Variants in BCL2L13 observed in about 807,000 individuals in gnomAD.
BCL2L13 encodes BCL2 like 13.
BCL2L13 carries 13 observed loss-of-function variants against 25.8 expected under a neutral mutation model. That is an observed-to-expected ratio of 0.50 (90% CI 0.33 to 0.80). BCL2L13 has a LOEUF of 0.80. BCL2L13 is among the 30% of genes least tolerant of loss of function. BCL2L13 has a pLI of 0.02. For missense variants in BCL2L13, 504 were observed against 574.9 expected, an observed-to-expected ratio of 0.88 and a Z score of 1.26; for synonymous variants, 244 against 230.3, an observed-to-expected ratio of 1.06 and a Z score of -0.54.
intron 6 of BCL2L13, among the ~76,000 whole-genome samples, chr22:17,705,842 A>G (rs1200100246): frequency 6.6e-6 from 1 of 152,092 alleles, no homozygotes; most frequent in Non-Finnish European, 1.5e-5. Context: ...CAAACTGCCT[A>G]CCTCTCAAGG....
At chr22:17,657,990 T>A (rs2058939995) in intron 2 of BCL2L13, among the ~76,000 whole-genome samples, 1 of 151,264 alleles carries the variant, frequency 6.6e-6, no homozygotes, top group Non-Finnish European at 1.5e-5. Flanking sequence ...CCCGGCTAAT[T>A]TTTGAAATTT....
At position 17,655,143 on chromosome 22, in the gene BCL2L13, A is replaced by G. The variant is rs1010045246; in HGVS notation, c.-50-519A>G. ...CAGACTCATTAGCCCAGGCCTACAC[A>G]GAGTCAGGATTATTAATATCACTGT... On this transcript the variant is annotated intron_variant, in intron 1 of 6. Coordinates refer to ENST00000317582, the MANE Select transcript of BCL2L13 (RefSeq NM_015367.4). Among the ~76,000 whole-genome samples the G allele has an allele frequency of 5.1e-4, 78 of 151,914 alleles. 1 individual carries two copies. Among genetic ancestry groups the G allele is most frequent in the African/African-American group, 1.8e-3 (73 of 41,336 alleles).
chr22:17,635,352 A>G (rs559745815), upstream of BCL2L13, among the ~76,000 whole-genome samples: 3 of 152,320 alleles, frequency 2.0e-5, no homozygotes, highest in Middle Eastern at 3.4e-3. Flanking sequence ...CCTAGCCAAC[A>G]TGGTGAAACC....
chr22:17,681,422 C>G (rs998737365), intron 2 of BCL2L13, among the ~76,000 whole-genome samples: 2 of 151,610 alleles, frequency 1.3e-5, no homozygotes, highest in African/African-American at 4.9e-5. Context: ...TGGCGTGAAC[C>G]TGGGAGGCGG....
At chr22:17,641,669 C>G (rs999822609) in intron 1 of BCL2L13, among the ~76,000 whole-genome samples, 124 of 152,300 alleles carry the variant, frequency 8.1e-4, no homozygotes, top group African/African-American at 2.7e-3. Flanking sequence ...AAGAGACTCC[C>G]ATACCCATTA....
intron 1 of BCL2L13, among the ~76,000 whole-genome samples, chr22:17,643,608 G>C (rs1272327757): frequency 2.6e-5 from 4 of 151,916 alleles, no homozygotes; most frequent in Non-Finnish European, 5.9e-5. Context: ...TGTTGTTGTT[G>C]TTTGCTTTTT....
At chr22:17,657,810 C>G (rs990532734) in intron 2 of BCL2L13, among the ~76,000 whole-genome samples, 2 of 139,374 alleles carry the variant, frequency 1.4e-5, no homozygotes, top group South Asian at 2.3e-4. Flanking sequence ...GCCACCACAC[C>G]TGGTTGACAT....
At chr22:17,691,464 G>C (rs551176387) in intron 4 of BCL2L13, among the ~76,000 whole-genome samples, 98 of 152,272 alleles carry the variant, frequency 6.4e-4, no homozygotes, top group Non-Finnish European at 1.0e-3. Flanking sequence ...GGCTAACACA[G>C]TGAAACCCCG....
intron 2 of BCL2L13, among the ~76,000 whole-genome samples, chr22:17,680,516 AAAAAAAAAAAAAAAAAAAAAAAAAAG>A (rs982099998): frequency 1.0e-4 from 8 of 78,328 alleles, no homozygotes; most frequent in African/African-American, 4.5e-4. Flanking sequence ...TGTCTCAAAA[AAAAAAAAAAAAAAAAAAAAAAAAAAG>A]AAAAAAAGAC....
In BCL2L13 at chr22:17,696,367, G is replaced by A. The variant is rs3816285; in HGVS notation, c.456+157G>A. Reference sequence around the variant, plus strand: ...ATATTTTTGGTTAAACTGGTTTTTCGATTAATGCTGCAAGGTCCTGCTTGG... The same window carrying A: ...ATATTTTTGGTTAAACTGGTTTTTCAATTAATGCTGCAAGGTCCTGCTTGG... On this transcript the variant is annotated intron_variant, in intron 5 of 6. Transcript: ENST00000317582. 2.1e-4 allele frequency among the ~76,000 whole-genome samples: 32 copies of A among 152,278 alleles called. No individual in the cohort carries two copies. In the East Asian group the frequency reaches 5.6e-3, roughly 27 times the overall value.
At chr22:17,658,786 C>T (rs1336915932) in intron 2 of BCL2L13, among the ~76,000 whole-genome samples, 5 of 150,242 alleles carry the variant, frequency 3.3e-5, no homozygotes, top group South Asian at 2.1e-4. Context: ...GGGCCAGGCA[C>T]GGTGGCTCAC....
At chr22:17,709,763 C>G (rs1057298510) in intron 6 of BCL2L13, among the ~76,000 whole-genome samples, 1 of 151,854 alleles carries the variant, frequency 6.6e-6, no homozygotes, top group Non-Finnish European at 1.5e-5. Context: ...GCCTAGGCAA[C>G]AGAGTGCTAT....
At chr22:17,705,596 C>T (rs1440218527) in intron 6 of BCL2L13, among the ~76,000 whole-genome samples, 2 of 151,976 alleles carry the variant, frequency 1.3e-5, no homozygotes, top group African/African-American at 2.4e-5. Flanking sequence ...CGCGCCCGGC[C>T]GATATTGCTT....
At chr22:17,698,031 G>T (rs764026643) in intron 5 of BCL2L13, among the ~76,000 whole-genome samples, 12 of 151,628 alleles carry the variant, frequency 7.9e-5, no homozygotes, top group Admixed American at 2.0e-4. Flanking sequence ...GGCCAGGCTG[G>T]TCTCCAACCC....
At chr22:17,642,088 C>CACACCCA in intron 1 of BCL2L13, among the ~76,000 whole-genome samples, 1 of 150,910 alleles carries the variant, frequency 6.6e-6, no homozygotes. Flanking sequence ...TGTGTGCCAC[C>CACACCCA]GCGCCTGACC....
intron 3 of BCL2L13, among the ~76,000 whole-genome samples, chr22:17,687,509 A>G (rs1030505836): frequency 2.0e-5 from 3 of 151,074 alleles, no homozygotes; most frequent in Admixed American, 6.6e-5. Context: ...CCCAGCTATT[A>G]TTATTATTAT....
At chr22:17,639,372 C>G (rs1311858005) in intron 1 of BCL2L13, among the ~76,000 whole-genome samples, 1 of 152,250 alleles carries the variant, frequency 6.6e-6, no homozygotes, top group Non-Finnish European at 1.5e-5. Flanking sequence ...TAATTCACTG[C>G]TGTTCTGACA....
intron 1 of BCL2L13, among the ~76,000 whole-genome samples, chr22:17,653,931 CTT>C (rs969636570): frequency 3.3e-5 from 5 of 150,480 alleles, no homozygotes; most frequent in African/African-American, 1.2e-4. Flanking sequence ...GACATTGCCT[CTT>C]TTTCCAGTCT....
At chr22:17,646,382 G>T (rs2058472371) in intron 1 of BCL2L13, among the ~76,000 whole-genome samples, 1 of 151,280 alleles carries the variant, frequency 6.6e-6, no homozygotes, top group Non-Finnish European at 1.5e-5. Flanking sequence ...GAGTAGCTGG[G>T]ATTACAGGTG....
Sources: gnomAD v4.1 joint callset for allele counts (sites outside exome capture counted in the v4.1 genomes callset) on GRCh38, gnomAD v4.1.1 for gene constraint, MANE v1.5 for transcripts, NCBI Gene and HGNC (gene_info 2026-07-23, HGNC 2026-07-21) for gene names.